The following FAM234B variants were observed in gnomAD, a reference collection of about 807,000 sequenced individuals.
FAM234B encodes the protein family with sequence similarity 234 member B, also known as protein FAM234B.
In FAM234B, 33 loss-of-function variants were observed where a neutral mutation model predicts 69.3. The ratio of observed to expected loss-of-function variants is 0.48; its 90% confidence interval spans 0.36 to 0.64. FAM234B has a LOEUF of 0.64. Among genes scored for constraint, FAM234B ranks in the 30% least tolerant of loss-of-function variants. The pLI, the probability that FAM234B is intolerant of heterozygous loss-of-function variation, is 0.00. For synonymous variants in FAM234B, 306 were observed against 306.9 expected (o/e 1.00, Z 0.03); for missense variants, 697 against 769.7 (o/e 0.91, Z 1.12).
In FAM234B at chr12:13,068,672, T is replaced by C. The variant is rs1386005; in HGVS notation, c.1329T>C (p.Asp443=). The change falls in exon 9 of 13, where the codon GAT becomes GAC. Residue 443 remains aspartate (D), a synonymous_variant. Coordinates refer to ENST00000197268, the MANE Select transcript of FAM234B (RefSeq NM_020853.2). ...ATTTCACTGATGATCAGACATTAGA[T>C]TTCCTTCTGCAGATACAGGATGGAG... The part of the protein sequence containing the change: ...PGYFTDDQTL[D]FLLQIQDGVG... 1 allele frequency: 1,608,104 copies of C among 1,613,126 alleles called. 801,673 individuals are homozygous for C. The highest frequency in any genetic ancestry group is 1 in the East Asian group (44,877 of 44,878).
At chr12:13,053,213 C>CA (rs1336321825) in intron 1 of FAM234B, among the ~76,000 whole-genome samples, 1 of 151,718 alleles carries the variant, frequency 6.6e-6, no homozygotes, top group African/African-American at 2.4e-5. Context: ...ATTAGGATGA[C>CA]AGATTATTCA....
Position 13,067,269 on chromosome 12 carries a change from A to C in FAM234B, c.1115A>C (p.Asn372Thr). The part of the protein sequence containing the change: ...EPEWEKRRSI[N>T]LSELIDVYSD... ...GAATGGGAAAAGCGAAGATCCATCA[A>C]CCTGTCTGAGCTCATTGATGTTTAC... Residue 372 changes from asparagine (N) to threonine (T), a missense_variant, in exon 7 of 13, where the codon AAC becomes ACC. Around this residue, in one of 3 missense-constraint regions of FAM234B, gnomAD observed 4 missense variants for 17.1 expected, o/e 0.23. Coordinates refer to ENST00000197268, the MANE Select transcript of FAM234B (RefSeq NM_020853.2). The surrounding 1 kb of genome is among the most constrained non-coding windows in gnomAD (Gnocchi z 4.7). The C allele has an allele frequency of 6.2e-7, 1 of 1,613,910 alleles. No individual in the cohort carries two copies. The highest frequency in any genetic ancestry group is 1.1e-5 in the South Asian group (1 of 91,066).
chr12:13,082,945 T>C lies in FAM234B; in HGVS notation c.*2315T>C, dbSNP rs1865255319. On this transcript the variant is annotated 3_prime_UTR_variant, in exon 13 of 13. Transcript: ENST00000197268. Reference sequence around the variant, plus strand: ...CATAGATTCTTTTGACTATGGTAAGTTTGAATCTCTCCTTGCCAAACAACA... The same window carrying C: ...CATAGATTCTTTTGACTATGGTAAGCTTGAATCTCTCCTTGCCAAACAACA... 1 of 152,198 alleles carries C rather than the reference T, an allele frequency of 6.6e-6. No homozygotes were observed. The highest frequency in any genetic ancestry group is 1.5e-5 in the Non-Finnish European group (1 of 68,028). The allele number at this position is 152,198 out of a possible 1,614,324, so 9.4% of individuals were successfully genotyped here. A position where few individuals can be genotyped will look rare whatever the true frequency, so the allele number is the denominator to read the frequency against.
intron 1 of FAM234B, among the ~76,000 whole-genome samples, chr12:13,052,106 A>G (rs1864883240): frequency 6.6e-6 from 1 of 152,170 alleles, no homozygotes; most frequent in Non-Finnish European, 1.5e-5. Context: ...TATGATTGAT[A>G]CCTTTGAGTG....
chr12:13,068,203 G>A (rs1865061289), intron 7 of FAM234B, 101 bp from the exon 8 acceptor site: 11 of 1,112,428 alleles, frequency 9.9e-6, no homozygotes, highest in Non-Finnish European at 5.4e-6. Flanking sequence ...GAATACAAGA[G>A]TGTGTACAGG....
Position 13,068,378 on chromosome 12 carries a change from A to G in FAM234B, c.1217A>G (p.Gln406Arg), listed in dbSNP as rs1351826589. Residue 406 changes from glutamine (Q) to arginine (R), a missense_variant, in exon 8 of 13, where the codon CAA becomes CGA. Transcript: ENST00000197268. ...AGCAACCTTCTGATTACAACCAGAC[A>G]AAGCCTTGTGCTGCTTCGGGGGCAA... ...NCSNLLITTR[Q>R]SLVLLRGQNL... 3 of 1,614,178 alleles carry G rather than the reference A, an allele frequency of 1.9e-6. No homozygotes were observed. The highest frequency in any genetic ancestry group is 2.5e-6 in the Non-Finnish European group (3 of 1,180,032).
At position 13,067,014 on chromosome 12, in the gene FAM234B, C is replaced by T. The variant is rs1210955037; in HGVS notation, c.1001-141C>T. The T allele has an allele frequency of 5.8e-6, 6 of 1,033,904 alleles. No homozygotes were observed. The highest frequency in any genetic ancestry group is 7.1e-6 in the Non-Finnish European group (5 of 702,892). 64.0% of individuals were successfully genotyped at this position (1,033,904 alleles called of 1,614,324 possible). On this transcript the variant is annotated intron_variant, in intron 6 of 12. Coordinates refer to ENST00000197268, the MANE Select transcript of FAM234B (RefSeq NM_020853.2). This position sits in a 1 kb window ranked among gnomAD's most constrained non-coding sequence, Gnocchi z 4.7. Reference sequence around the variant, plus strand: ...TTGTCCAGCACCCACTTAATCACCTCCCCACTTGTTCCGTGTTGTCCAGTC... The same window carrying T: ...TTGTCCAGCACCCACTTAATCACCTTCCCACTTGTTCCGTGTTGTCCAGTC...
At chr12:13,058,643 A>G in intron 3 of FAM234B, 94 bp downstream of exon 3, 1 of 1,010,636 alleles carries the variant, frequency 9.9e-7, no homozygotes, top group Admixed American at 1.7e-5. Flanking sequence ...GCAGAGAAGG[A>G]TCTGCAGTGA....
In FAM234B at chr12:13,061,638, C is replaced by A; in HGVS notation, c.596C>A (p.Ser199Tyr). The change falls in exon 4 of 13, where the codon TCT becomes TAT. Residue 199 changes from serine (S) to tyrosine (Y), a missense_variant. By Grantham distance (144) the Ser-to-Tyr change is moderately radical. Around this residue, in one of 3 missense-constraint regions of FAM234B, gnomAD observed 380 missense variants for 447.1 expected, o/e 0.85. Coordinates refer to ENST00000197268, the MANE Select transcript of FAM234B (RefSeq NM_020853.2). The part of the protein sequence containing the change: ...LSGMNGSTLW[S>Y]SLLPEEARDI... ...GGGATGAATGGCAGCACACTGTGGT[C>A]TAGTCTTCTCCCTGAGGAGGCTCGA... 1 of 1,614,002 alleles carries A rather than the reference C, an allele frequency of 6.2e-7. No homozygotes were observed. Among genetic ancestry groups the A allele is most frequent in the African/African-American group, 1.3e-5 (1 of 74,994 alleles).
intron 3 of FAM234B, among the ~76,000 whole-genome samples, chr12:13,060,590 CAT>C (rs3081746): frequency 0.062 from 9,381 of 152,204 alleles, 626 homozygotes; most frequent in East Asian, 0.27. Context: ...CTCTGTTTGT[CAT>C]ATATATCTTC....
At chr12:13,065,833 A>G (rs1865030077) in intron 5 of FAM234B, among the ~76,000 whole-genome samples, 1 of 152,214 alleles carries the variant, frequency 6.6e-6, no homozygotes, top group Non-Finnish European at 1.5e-5. Context: ...GGTACATGGC[A>G]AACCACATTT....
intron 1 of FAM234B, among the ~76,000 whole-genome samples, chr12:13,048,698 A>G (rs1864839464): frequency 6.6e-6 from 1 of 152,114 alleles, no homozygotes; most frequent in African/African-American, 2.4e-5. Flanking sequence ...ATTGTTACCT[A>G]TCACTTGCTG....
intron 3 of FAM234B, 58 bp downstream of exon 3, chr12:13,058,607 A>G (rs1424568010): frequency 1.5e-5 from 21 of 1,411,412 alleles, no homozygotes; most frequent in Non-Finnish European, 2.1e-5. Flanking sequence ...AGGAGAAAAC[A>G]TCAGAGCTGT....
chr12:13,056,056 C>A, intron 2 of FAM234B, 110 bp downstream of exon 2: 1 of 1,166,372 alleles, frequency 8.6e-7, no homozygotes, highest in Non-Finnish European at 1.2e-6. Flanking sequence ...GCGGCATTCC[C>A]CACCCTGCCG....
At chr12:13,068,249 G>T (rs993475288) in intron 7 of FAM234B, 55 bp from the exon 8 acceptor site, 19 of 1,606,710 alleles carry the variant, frequency 1.2e-5, no homozygotes, top group Non-Finnish European at 1.6e-5. Flanking sequence ...AAAGTAAATG[G>T]CTCAGAAATC....
chr12:13,063,183 G>A (rs1438397102), intron 5 of FAM234B, among the ~76,000 whole-genome samples: 1 of 152,104 alleles, frequency 6.6e-6, no homozygotes, highest in Non-Finnish European at 1.5e-5. Context: ...CATGGACTGG[G>A]GTGTAGTGGA....
intron 5 of FAM234B, among the ~76,000 whole-genome samples, chr12:13,063,267 G>A (rs750281264): frequency 6.6e-6 from 1 of 152,152 alleles, no homozygotes; most frequent in Non-Finnish European, 1.5e-5. Flanking sequence ...TGGGCAAGCC[G>A]TGGAGCCTGT....
chr12:13,079,121 G>A (rs972065639), intron 11 of FAM234B, among the ~76,000 whole-genome samples: 49 of 152,194 alleles, frequency 3.2e-4, no homozygotes, highest in Admixed American at 1.5e-3. Flanking sequence ...GAGGCATCAC[G>A]CTACCTGACT....
chr12:13,046,325 T>C (rs1864811460), intron 1 of FAM234B, among the ~76,000 whole-genome samples: 1 of 152,186 alleles, frequency 6.6e-6, no homozygotes, highest in Admixed American at 6.5e-5. Context: ...GTTTTTGCAT[T>C]AGGTACAAGT....
Sources: gnomAD v4.1 joint callset for allele counts (sites outside exome capture counted in the v4.1 genomes callset) on GRCh38, gnomAD v4.1.1 for gene constraint, gnomAD v4.1.1 regional missense constraint, Gnocchi (gnomAD v3.1) non-coding constraint, MANE v1.5 for transcripts, NCBI Gene and HGNC (gene_info 2026-07-23, HGNC 2026-07-21) for gene names.